The following ANKRD42 variants were observed in gnomAD, a reference collection of about 807,000 sequenced individuals.
ANKRD42 encodes the protein ankyrin repeat domain 42.
A neutral mutation model predicts 51.5 loss-of-function variants in ANKRD42; 43 were observed. The ratio of observed to expected loss-of-function variants is 0.83; its 90% confidence interval spans 0.65 to 1.08. ANKRD42 has a LOEUF of 1.08. Among genes scored for constraint, ANKRD42 ranks in the 50% least tolerant of loss-of-function variants. The pLI, the probability that ANKRD42 is intolerant of heterozygous loss-of-function variation, is 0.00. For synonymous variants in ANKRD42, 203 were observed against 213.0 expected (o/e 0.95, Z 0.41); for missense variants, 608 against 629.3 (o/e 0.97, Z 0.36).
At chr11:83,201,267 G>A (rs1257666946) in intron 2 of ANKRD42, among the ~76,000 whole-genome samples, 3 of 152,080 alleles carry the variant, frequency 2.0e-5, no homozygotes, top group Non-Finnish European at 2.9e-5. Flanking sequence ...TTCTGTTCCT[G>A]TGTTAGTTTG....
intron 3 of ANKRD42, among the ~76,000 whole-genome samples, chr11:83,208,219 G>C (rs494827): frequency 4.0e-5 from 6 of 151,460 alleles, no homozygotes; most frequent in Non-Finnish European, 7.4e-5. Context: ...CTGTGGGAGG[G>C]GGGGGTCTCC....
At chr11:83,218,775 T>C (rs1862622245) in intron 5 of ANKRD42, among the ~76,000 whole-genome samples, 4 of 152,060 alleles carry the variant, frequency 2.6e-5, no homozygotes, top group South Asian at 4.2e-4. Flanking sequence ...ACGGAGGTAA[T>C]TGTGGGCCTC....
rs765678382 is a variant in ANKRD42 at position 83,224,967 on chromosome 11, G to A, written c.699G>A (p.Leu233=). The A allele has an allele frequency of 6.2e-7, 1 of 1,613,714 alleles. No homozygotes were observed. The highest frequency in any genetic ancestry group is 8.5e-7 in the Non-Finnish European group (1 of 1,179,712). Residue 233 remains leucine (L), a synonymous_variant, in exon 6 of 11, where the codon CTG becomes CTA. Transcript: ENST00000533342. The stretch of plus-strand genomic sequence containing the variant: ...TCAATGATAATGGAGAAAATGTACT[G>A]GATTTGGCCCAGAGGTTCTTCAAGC... The part of the protein sequence containing the change: ...KAFNDNGENV[L]DLAQRFFKQN...
intron 9 of ANKRD42, among the ~76,000 whole-genome samples, chr11:83,242,815 G>A (rs983176578): frequency 6.6e-6 from 1 of 151,956 alleles, no homozygotes; most frequent in Non-Finnish European, 1.5e-5. Flanking sequence ...CACCCGTCTT[G>A]GCCTCCCGAA....
chr11:83,262,319 G>A (rs184594787), downstream of ANKRD42, among the ~76,000 whole-genome samples: 495 of 152,048 alleles, frequency 3.3e-3, 10 homozygotes, highest in Admixed American at 0.027. Context: ...AAAAAATTAC[G>A]TAGTTAGGCT....
At position 83,248,478 on chromosome 11, in the gene ANKRD42, A is replaced by C; in HGVS notation, c.*274A>C. The C allele has an allele frequency of 9.0e-7, 1 of 1,115,696 alleles. No homozygotes were observed. Among genetic ancestry groups the C allele is most frequent in the Middle Eastern group, 3.8e-4 (1 of 2,628 alleles). The allele number at this position is 1,115,696 out of a possible 1,614,324, so 69.1% of individuals were successfully genotyped here. A position where few individuals can be genotyped will look rare whatever the true frequency, so the allele number is the denominator to read the frequency against. On this transcript the variant is annotated 3_prime_UTR_variant, in exon 11 of 11. Transcript: ENST00000533342. ...TTCATAAGTAATCAATCAGAATTCT[A>C]AGACAGCTAGAGGATATGTATATTT...
At chr11:83,209,559 G>A in intron 3 of ANKRD42, 3 of 967,460 alleles carry the variant, frequency 3.1e-6, no homozygotes, top group Non-Finnish European at 5.1e-6. Flanking sequence ...AGTCAGGGAT[G>A]GGTCTATTAT....
At chr11:83,246,427 A>G (rs1374757767) in intron 10 of ANKRD42, among the ~76,000 whole-genome samples, 1 of 152,202 alleles carries the variant, frequency 6.6e-6, no homozygotes, top group Admixed American at 6.5e-5. Context: ...TCCTGGAACC[A>G]GTTCCTCTTT....
intron 3 of ANKRD42, among the ~76,000 whole-genome samples, chr11:83,207,668 T>C (rs1468221918): frequency 1.3e-5 from 2 of 152,346 alleles, no homozygotes; most frequent in Middle Eastern, 3.4e-3. Context: ...CAAACAGTTC[T>C]GTGAGTTCCC....
chr11:83,244,972 T>C (rs1007483228), intron 9 of ANKRD42, among the ~76,000 whole-genome samples: 13 of 152,142 alleles, frequency 8.5e-5, no homozygotes, highest in African/African-American at 3.1e-4. Flanking sequence ...TGATGTGGTC[T>C]CGGCTCACTG....
In ANKRD42 at chr11:83,213,512, CAG is replaced by C. The variant is rs1862409049; in HGVS notation, c.586+2084_586+2085del. The C allele has an allele frequency of 3.8e-6, 5 of 1,303,080 alleles. No homozygotes were observed. The African/African-American group carries it at 7.5e-5, about 20-fold the overall frequency. 80.7% of individuals were successfully genotyped at this position (1,303,080 alleles called of 1,614,324 possible). A position where few individuals can be genotyped will look rare whatever the true frequency, so the allele number is the denominator to read the frequency against. ...TTGTGTTAGGCTTCCTTCGCTTTTT[CAG>C]ACTGCTTTCAATTTCCATTTTCACA... On this transcript the variant is annotated intron_variant, in intron 5 of 10. Transcript: ENST00000533342.
intron 5 of ANKRD42, chr11:83,213,452 A>C: frequency 7.0e-7 from 1 of 1,434,082 alleles, no homozygotes; most frequent in Non-Finnish European, 9.2e-7. Flanking sequence ...TAAAAACTGC[A>C]AAGAAAAACC....
chr11:83,210,758 G>T (rs1458355018), intron 4 of ANKRD42, among the ~76,000 whole-genome samples: 1 of 152,092 alleles, frequency 6.6e-6, no homozygotes, highest in Admixed American at 6.6e-5. Context: ...CTACCTATGT[G>T]TTTGTTTTGA....
rs138369851 is a variant in ANKRD42, at chr11:83,206,095, C to T, written c.260C>T (p.Thr87Ile). The T allele has an allele frequency of 7.4e-6, 12 of 1,613,946 alleles. No homozygotes were observed. Among genetic ancestry groups the T allele is most frequent in the African/African-American group, 5.3e-5 (4 of 74,922 alleles). ...HWLLWHGADI[T>I]HVTTRGWTAS... ...CTGCTCTGGCATGGAGCTGATATCA[C>T]ACACGTAACAACGAGAGGTTGGACA... is the stretch of plus-strand genomic sequence containing the variant. Residue 87 changes from threonine to isoleucine, a missense_variant, in exon 3 of 11, where the codon ACA (threonine) becomes ATA (isoleucine). By Grantham distance (89) the Thr-to-Ile change is moderately conservative (BLOSUM62 -1). Transcript: ENST00000533342.
chr11:83,210,571 C>G, intron 4 of ANKRD42, 152 bp downstream of exon 4: 1 of 1,004,358 alleles, frequency 1.0e-6, no homozygotes, highest in Non-Finnish European at 1.4e-6. Flanking sequence ...TATCTTTAAA[C>G]ATAGAAGCAA....
At chr11:83,196,352 A>T (rs607185) in intron 1 of ANKRD42, among the ~76,000 whole-genome samples, 79,121 of 151,816 alleles carry the variant, frequency 0.52, 21,837 homozygotes, top group African/African-American at 0.71. Flanking sequence ...TAGCCTATTT[A>T]TCCCCTTAAT....
In ANKRD42 at chr11:83,210,441, G is replaced by A. The variant is rs772637447; in HGVS notation, c.450+22G>A. The A allele has an allele frequency of 6.2e-6, 10 of 1,612,440 alleles. No homozygotes were observed. The Admixed American group carries it at 1.2e-4, about 19-fold the overall frequency. ...AGTGGTGAGTGACTCCTGTTAATAT[G>A]TGCTAATGTGTGATAATATAGATGG... is the stretch of plus-strand genomic sequence containing the variant. On this transcript the variant is annotated intron_variant, in intron 4 of 10. Transcript: ENST00000533342.
intron 5 of ANKRD42, chr11:83,212,742 A>C: frequency 2.0e-6 from 3 of 1,535,572 alleles, no homozygotes; most frequent in Non-Finnish European, 2.6e-6. Flanking sequence ...GCATGGCCTC[A>C]TCTTTCTATA....
chr11:83,239,842 G>C (rs1231539340), intron 8 of ANKRD42, among the ~76,000 whole-genome samples: 1 of 152,166 alleles, frequency 6.6e-6, no homozygotes, highest in Non-Finnish European at 1.5e-5. Context: ...AAAATGCTTG[G>C]TGTGGGTGTA....
Sources: allele counts gnomAD v4.1 joint callset (sites outside exome capture counted in the v4.1 genomes callset), GRCh38; gene constraint gnomAD v4.1.1; transcripts MANE v1.5; gene names NCBI Gene and HGNC (gene_info 2026-07-23, HGNC 2026-07-21).